Variants in FRMD4A observed in about 807,000 individuals in gnomAD.
The protein encoded by FRMD4A is FERM domain containing 4A, also known as FERM domain-containing protein 4A.
Under a neutral mutation model 129.1 loss-of-function variants are expected in FRMD4A, and 29 were observed. The ratio of observed to expected loss-of-function variants is 0.22; its 90% confidence interval spans 0.17 to 0.31. The LOEUF (loss-of-function observed/expected upper bound fraction) is 0.31, where lower values mean the gene tolerates loss of function less well. Ranked by LOEUF, FRMD4A falls within the 10% of genes least tolerant of loss-of-function variation. The pLI is 1.00. For missense variants in FRMD4A, 1,272 were observed against 1,375.8 expected, an observed-to-expected ratio of 0.92 and a Z score of 1.19; for synonymous variants, 634 against 571.6, an observed-to-expected ratio of 1.11 and a Z score of -1.56.
At chr10:13,909,089 T>C (rs1023047321) in intron 2 of FRMD4A, among the ~76,000 whole-genome samples, 23 of 152,372 alleles carry the variant, frequency 1.5e-4, no homozygotes, top group African/African-American at 5.3e-4. Flanking sequence ...TTTCCTGCAA[T>C]GTATTTCCTT....
rs80332435 is a variant in FRMD4A, at chr10:13,800,391, A to G, written c.207-3803T>C. On this transcript the variant is annotated intron_variant, in intron 4 of 24. Transcript: ENST00000357447. ...TTAAATATTCATCTTTTGTCTTACC[A>G]TATTTTATGATAAACAGTCTGATGG... Among the ~76,000 whole-genome samples, 6 of 152,282 alleles carry G rather than the reference A, an allele frequency of 3.9e-5. No homozygotes were observed. In the East Asian group the frequency reaches 1.2e-3, roughly 29 times the overall value.
At chr10:13,992,878 C>T (rs916401738) in intron 2 of FRMD4A, among the ~76,000 whole-genome samples, 33 of 136,842 alleles carry the variant, frequency 2.4e-4, no homozygotes, top group African/African-American at 7.4e-4. Context: ...GCTTGACCCC[C>T]GGTGGCAGAG....
chr10:14,073,603 A>G (rs1835417935), intron 2 of FRMD4A, among the ~76,000 whole-genome samples: 1 of 151,968 alleles, frequency 6.6e-6, no homozygotes, highest in African/African-American at 2.4e-5. Context: ...ATGATGGCTG[A>G]TGTTGTTGGC....
chr10:13,672,991 GT>G (rs1440946479), intron 16 of FRMD4A, among the ~76,000 whole-genome samples: 1 of 152,044 alleles, frequency 6.6e-6, no homozygotes. Flanking sequence ...TCCTTCTTTT[GT>G]TTTTGTTTTT....
At chr10:13,847,790 C>G (rs2094074928) in intron 3 of FRMD4A, among the ~76,000 whole-genome samples, 1 of 152,236 alleles carries the variant, frequency 6.6e-6, no homozygotes. Context: ...TTGACCACCT[C>G]TAGACAGGAA....
intron 12 of FRMD4A, among the ~76,000 whole-genome samples, chr10:13,725,668 G>A (rs1365987831): frequency 6.6e-6 from 1 of 152,078 alleles, no homozygotes; most frequent in Non-Finnish European, 1.5e-5. Flanking sequence ...GACCAGTCTC[G>A]GGATGGCCTT....
At chr10:13,719,590 C>A (rs555011639) in intron 12 of FRMD4A, among the ~76,000 whole-genome samples, 4 of 152,248 alleles carry the variant, frequency 2.6e-5, no homozygotes, top group Non-Finnish European at 4.4e-5. Context: ...AACAGGTTTA[C>A]ATTTTCCGGA....
At chr10:14,266,967 G>C (rs1845001975) in intron 2 of FRMD4A, among the ~76,000 whole-genome samples, 1 of 152,152 alleles carries the variant, frequency 6.6e-6, no homozygotes, top group African/African-American at 2.4e-5. Flanking sequence ...TTCTTCTTTG[G>C]AATTTCTAAG....
At chr10:13,717,722 G>GT (rs2088976396) in intron 12 of FRMD4A, among the ~76,000 whole-genome samples, 1 of 83,868 alleles carries the variant, frequency 1.2e-5, no homozygotes. Flanking sequence ...CAGGGGTGGC[G>GT]GGGGGGGTTG....
chr10:13,855,199 G>C (rs1353714671), intron 3 of FRMD4A, among the ~76,000 whole-genome samples: 3 of 152,136 alleles, frequency 2.0e-5, no homozygotes, highest in Non-Finnish European at 4.4e-5. Context: ...GTTATGCTCG[G>C]AGTGGCCGAG....
At chr10:13,749,091 C>T (rs2091436801) in intron 8 of FRMD4A, among the ~76,000 whole-genome samples, 2 of 152,202 alleles carry the variant, frequency 1.3e-5, no homozygotes, top group Admixed American at 1.3e-4. Context: ...CCACTTACTA[C>T]CTCCAGAGCA....
intron 2 of FRMD4A, among the ~76,000 whole-genome samples, chr10:14,035,814 A>T (rs986904643): frequency 3.9e-5 from 6 of 152,218 alleles, no homozygotes; most frequent in African/African-American, 1.4e-4. Context: ...CTAGTAAGCG[A>T]ATCTCTGGAA....
rs76931929 is a variant in FRMD4A, at chr10:14,029,352, T to C, written c.46-170440A>G. ...GGAAACGGTGGGCAGATCGTTCTTC[T>C]AGAGAGAGTATTATAGATTTCTGCA... On this transcript the variant is annotated intron_variant, in intron 2 of 24. Transcript: ENST00000357447. 2.1e-3 allele frequency among the ~76,000 whole-genome samples: 320 copies of C among 152,186 alleles called. 1 individual carries two copies. The highest frequency in any genetic ancestry group is 7.3e-3 in the African/African-American group (302 of 41,522).
intron 2 of FRMD4A, among the ~76,000 whole-genome samples, chr10:14,262,428 T>C (rs1844837765): frequency 6.6e-6 from 1 of 152,200 alleles, no homozygotes; most frequent in African/African-American, 2.4e-5. Flanking sequence ...AATTATTATA[T>C]AGAAATATTA....
intron 2 of FRMD4A, among the ~76,000 whole-genome samples, chr10:14,021,958 T>A (rs1832778156): frequency 6.6e-6 from 1 of 152,198 alleles, no homozygotes; most frequent in African/African-American, 2.4e-5. Flanking sequence ...GCGTTTTTTT[T>A]TGCATTTTAT....
At chr10:14,097,496 A>G (rs1014658122) in intron 2 of FRMD4A, among the ~76,000 whole-genome samples, 23 of 152,198 alleles carry the variant, frequency 1.5e-4, no homozygotes, top group African/African-American at 5.3e-4. Flanking sequence ...CTTTAAGATA[A>G]TCTTACCTGT....
At chr10:13,927,111 G>T (rs1272914229) in intron 2 of FRMD4A, among the ~76,000 whole-genome samples, 1 of 152,124 alleles carries the variant, frequency 6.6e-6, no homozygotes, top group Admixed American at 6.5e-5. Flanking sequence ...GAAAAAATTA[G>T]CTGGGCGTGG....
intron 2 of FRMD4A, among the ~76,000 whole-genome samples, chr10:14,249,683 G>T (rs967180803): frequency 1.3e-5 from 2 of 152,192 alleles, no homozygotes; most frequent in African/African-American, 2.4e-5. Context: ...TTAGCACAAG[G>T]ATATTCATGA....
intron 2 of FRMD4A, among the ~76,000 whole-genome samples, chr10:14,322,541 G>A (rs554913483): frequency 2.0e-5 from 3 of 152,310 alleles, no homozygotes; most frequent in Non-Finnish European, 2.9e-5. Context: ...AACCATGGGT[G>A]TGCATGATGT....
Sources: gnomAD v4.1 joint callset for allele counts (sites outside exome capture counted in the v4.1 genomes callset) on GRCh38, gnomAD v4.1.1 for gene constraint, MANE v1.5 for transcripts, NCBI Gene and HGNC (gene_info 2026-07-23, HGNC 2026-07-21) for gene names.